The following TENM3 variants were observed in gnomAD, a reference collection of about 807,000 sequenced individuals.
TENM3 encodes the protein teneurin transmembrane protein 3, also known as teneurin-3.
Under a neutral mutation model 255.1 loss-of-function variants are expected in TENM3, and 63 were observed. That is an observed-to-expected ratio of 0.25 (90% confidence interval 0.20 to 0.30). The LOEUF (loss-of-function observed/expected upper bound fraction) is 0.30, where lower values mean the gene tolerates loss of function less well. Ranked by LOEUF, TENM3 falls within the 10% of genes least tolerant of loss-of-function variation. The pLI, the probability that TENM3 is intolerant of heterozygous loss-of-function variation, is 1.00. For synonymous variants in TENM3, 1,306 were observed against 1,322.3 expected, an observed-to-expected ratio of 0.99 and a Z score of 0.27; for missense variants, 2,929 against 3,461.1, an observed-to-expected ratio of 0.85 and a Z score of 3.86.
chr4:182,386,787 G>T (rs966525298), intron 3 of TENM3, among the ~76,000 whole-genome samples: 43 of 152,338 alleles, frequency 2.8e-4, no homozygotes, highest in Middle Eastern at 3.4e-3. Flanking sequence ...CTGCCTTCCC[G>T]CGGGGCAGGC....
intron 3 of TENM3, among the ~76,000 whole-genome samples, chr4:182,474,222 T>C (rs1456679282): frequency 6.6e-6 from 1 of 152,184 alleles, no homozygotes; most frequent in Non-Finnish European, 1.5e-5. Flanking sequence ...CACAGGATTA[T>C]AGATACCATG....
At chr4:182,447,720 G>C (rs1211811112) in intron 3 of TENM3, among the ~76,000 whole-genome samples, 1 of 152,204 alleles carries the variant, frequency 6.6e-6, no homozygotes, top group East Asian at 1.9e-4. Flanking sequence ...TACTGGTATT[G>C]TGATGTAAGG....
intron 1 of TENM3, among the ~76,000 whole-genome samples, chr4:182,250,032 T>G (rs548004560): frequency 6.6e-6 from 1 of 151,692 alleles, no homozygotes; most frequent in South Asian, 2.1e-4. Flanking sequence ...TTCTGGTCAT[T>G]TTTCTTTTTC....
chr4:182,065,237 GT>G, the TENM3 span, among the ~76,000 whole-genome samples: 1 of 152,088 alleles, frequency 6.6e-6, no homozygotes, highest in Non-Finnish European at 1.5e-5. Flanking sequence ...CTTTCACCAT[GT>G]TGGCCAGGCT....
At chr4:182,649,433 G>T (rs1270044657) in intron 5 of TENM3, among the ~76,000 whole-genome samples, 2 of 150,226 alleles carry the variant, frequency 1.3e-5, no homozygotes, top group African/African-American at 4.8e-5. Flanking sequence ...TAACATTTTG[G>T]ATATGAATCC....
intron 1 of TENM3, among the ~76,000 whole-genome samples, chr4:182,289,766 G>A (rs1388266630): frequency 3.9e-5 from 6 of 152,144 alleles, no homozygotes; most frequent in Non-Finnish European, 5.9e-5. Context: ...CAGAACCCTG[G>A]CCTTGTAGAA....
chr4:181,452,075 G>T, the TENM3 span, among the ~76,000 whole-genome samples: 1 of 152,108 alleles, frequency 6.6e-6, no homozygotes, highest in Non-Finnish European at 1.5e-5. Context: ...TGCTAAAAGC[G>T]CGGTGAGATG....
chr4:181,597,171 C>T, the TENM3 span, among the ~76,000 whole-genome samples: 1 of 152,132 alleles, frequency 6.6e-6, no homozygotes, highest in African/African-American at 2.4e-5. Flanking sequence ...ACATTAAATC[C>T]TCCTTGATCT....
At chr4:181,654,949 A>G in the TENM3 span, among the ~76,000 whole-genome samples, 1 of 152,170 alleles carries the variant, frequency 6.6e-6, no homozygotes, top group African/African-American at 2.4e-5. Flanking sequence ...ATGTAGAAAC[A>G]TAAAGTGAGA....
the TENM3 span, among the ~76,000 whole-genome samples, chr4:181,655,476 G>T: frequency 2.0e-5 from 3 of 151,298 alleles, no homozygotes; most frequent in Non-Finnish European, 3.0e-5. Flanking sequence ...GGCAATGGGG[G>T]AAACAACTGT....
chr4:181,613,127 A>G, the TENM3 span, among the ~76,000 whole-genome samples: 1 of 152,204 alleles, frequency 6.6e-6, no homozygotes, highest in Non-Finnish European at 1.5e-5. Flanking sequence ...TGTTCTACTG[A>G]GGACCTTGTT....
At chr4:181,641,604 T>G in the TENM3 span, among the ~76,000 whole-genome samples, 1 of 73,978 alleles carries the variant, frequency 1.4e-5, no homozygotes, top group African/African-American at 5.0e-5. Flanking sequence ...GGTGTGTGTG[T>G]GTATATATAT....
rs149710208 is a variant in TENM3, at chr4:182,715,396, A to G, written c.2368+1163A>G. ...TTTTGGAGCAGACACATCTTCACTG[A>G]ACCATGTAGTAATCATGTGACCTCA... On this transcript the variant is annotated intron_variant, in intron 13 of 27. Coordinates refer to ENST00000511685, the MANE Select transcript of TENM3 (RefSeq NM_001080477.4). Among the ~76,000 whole-genome samples, 984 of 152,292 alleles carry G rather than the reference A, an allele frequency of 6.5e-3. 13 individuals are homozygous for G. The highest frequency in any genetic ancestry group is 0.022 in the African/African-American group (924 of 41,554).
intron 1 of TENM3, among the ~76,000 whole-genome samples, chr4:182,186,764 T>C (rs1167283013): frequency 3.2e-3 from 25 of 7,782 alleles, no homozygotes; most frequent in African/African-American, 0.016. Context: ...TAATGCATCA[T>C]ATATATATAT....
chr4:182,752,942 ATT>A (rs750171665), intron 20 of TENM3, among the ~76,000 whole-genome samples: 5 of 121,678 alleles, frequency 4.1e-5, no homozygotes, highest in Admixed American at 9.4e-5. Flanking sequence ...TCCTTACTGA[ATT>A]TTTTTTTTTT....
chr4:182,563,984 C>T (rs1238423056), intron 3 of TENM3, among the ~76,000 whole-genome samples: 1 of 152,190 alleles, frequency 6.6e-6, no homozygotes, highest in African/African-American at 2.4e-5. Context: ...TCCTGCCAAT[C>T]ATTCCTGCCC....
the TENM3 span, among the ~76,000 whole-genome samples, chr4:181,671,658 G>A: frequency 2.0e-5 from 3 of 152,042 alleles, no homozygotes; most frequent in African/African-American, 4.8e-5. Flanking sequence ...TCCAAGCAGC[G>A]TACAATAATT....
the TENM3 span, among the ~76,000 whole-genome samples, chr4:181,488,351 T>C: frequency 2.6e-5 from 4 of 152,298 alleles, no homozygotes; most frequent in African/African-American, 9.6e-5. Context: ...GTCTTTCTGC[T>C]TTCTGTGGTC....
At chr4:182,221,040 C>T (rs756963562) in intron 1 of TENM3, among the ~76,000 whole-genome samples, 1 of 152,180 alleles carries the variant, frequency 6.6e-6, no homozygotes, top group Non-Finnish European at 1.5e-5. Context: ...ATTTAAAATT[C>T]TCGATGAAAA....
Sources: gnomAD v4.1 joint callset for allele counts (sites outside exome capture counted in the v4.1 genomes callset) on GRCh38, gnomAD v4.1.1 for gene constraint, MANE v1.5 for transcripts, NCBI Gene and HGNC (gene_info 2026-07-23, HGNC 2026-07-21) for gene names.